Variants in PHACTR4 observed in about 807,000 individuals in gnomAD.
The protein encoded by PHACTR4 is protein phosphatase 1, regulatory subunit 124.
Under a neutral mutation model 72.7 loss-of-function variants are expected in PHACTR4, and 51 were observed. The ratio of observed to expected loss-of-function variants is 0.70; its 90% CI spans 0.56 to 0.89. The LOEUF is 0.89. Among genes scored for constraint, PHACTR4 ranks in the 40% least tolerant of loss-of-function variants. PHACTR4 has a pLI of 0.00. For synonymous variants in PHACTR4, 255 were observed against 302.5 expected, an observed-to-expected ratio of 0.84 and a Z score of 1.63; for missense variants, 731 against 861.8, an observed-to-expected ratio of 0.85 and a Z score of 1.90.
chr1:28,413,913 C>T (rs1397446030), intron 2 of PHACTR4, among the ~76,000 whole-genome samples: 3 of 152,136 alleles, frequency 2.0e-5, no homozygotes, highest in Non-Finnish European at 2.9e-5. Context: ...TGAACATTCT[C>T]ATATCAGTAT....
At position 28,466,787 on chromosome 1, in the gene PHACTR4, T is replaced by C; in HGVS notation, c.823+19T>C. The C allele has an allele frequency of 6.3e-7, 1 of 1,592,132 alleles. No homozygotes were observed. Among genetic ancestry groups the C allele is most frequent in the Non-Finnish European group, 8.6e-7 (1 of 1,167,138 alleles). ...GTCATTGGTAAGTAAGTCTTTAGGC[T>C]TCCAGTGTTTTGGGTTTGGTTTGAT... On this transcript the variant is annotated intron_variant, in intron 6 of 13. Transcript: ENST00000373839.
chr1:28,479,917 A>G (rs796737087), intron 8 of PHACTR4, among the ~76,000 whole-genome samples: 5 of 152,296 alleles, frequency 3.3e-5, no homozygotes, highest in African/African-American at 1.2e-4. Context: ...AAACAAAAAA[A>G]CCAACAACAA....
At chr1:28,371,144 G>C (rs1651214736) in intron 1 of PHACTR4, among the ~76,000 whole-genome samples, 1 of 152,166 alleles carries the variant, frequency 6.6e-6, no homozygotes, top group South Asian at 2.1e-4. Flanking sequence ...CAAGAGTCTA[G>C]CTTGGTTGCT....
rs181462299 is a variant in PHACTR4 at position 28,391,025 on chromosome 1, G to A, written c.-38-16385G>A. Among the ~76,000 whole-genome samples the A allele has an allele frequency of 3.0e-4, 46 of 151,132 alleles. No homozygotes were observed. In the East Asian group the frequency reaches 8.9e-3, roughly 29 times the overall value. On this transcript the variant is annotated intron_variant, in intron 1 of 13. Transcript: ENST00000373839. ...TGGGAAGATCTCACCTGAGCCCAGG[G>A]AGGTTGAGGCTGTAGTGAGCCGTGA... is the stretch of plus-strand genomic sequence containing the variant.
Position 28,469,416 on chromosome 1 carries a change from G to A in PHACTR4, c.823+2648G>A, listed in dbSNP as rs554629144. Reference sequence around the variant, plus strand: ...AAAACCACCAGCAATAGCTGAACGGGTGAAAGGGAATTATTACCCATCCCA... The same window carrying A: ...AAAACCACCAGCAATAGCTGAACGGATGAAAGGGAATTATTACCCATCCCA... On this transcript the variant is annotated intron_variant, in intron 6 of 13. Transcript: ENST00000373839. Among the ~76,000 whole-genome samples the A allele has an allele frequency of 1.8e-4, 28 of 152,274 alleles. No individual in the cohort carries two copies. In the South Asian group the frequency reaches 5.8e-3, roughly 32 times the overall value.
At chr1:28,480,411 A>G (rs1042953655) in intron 8 of PHACTR4, 40 bp from the exon 9 acceptor site, 18 of 1,609,562 alleles carry the variant, frequency 1.1e-5, no homozygotes, top group Non-Finnish European at 1.4e-5. Flanking sequence ...TTTGGCTTTA[A>G]GCCTCAAGTT....
intron 2 of PHACTR4, among the ~76,000 whole-genome samples, chr1:28,412,824 G>C (rs1012490493): frequency 3.9e-5 from 6 of 152,198 alleles, no homozygotes; most frequent in African/African-American, 1.2e-4. Flanking sequence ...GTAAAGTTAA[G>C]ATTTAATCCT....
intron 2 of PHACTR4, among the ~76,000 whole-genome samples, chr1:28,432,692 A>G (rs1355382837): frequency 5.9e-5 from 9 of 152,120 alleles, no homozygotes; most frequent in Admixed American, 5.9e-4. Flanking sequence ...AGTGCTGTCT[A>G]AATCTCAATG....
chr1:28,455,299 A>G (rs1216826272), intron 2 of PHACTR4, among the ~76,000 whole-genome samples: 1 of 140,514 alleles, frequency 7.1e-6, no homozygotes, highest in Admixed American at 7.1e-5. Context: ...CCCAAGTTCA[A>G]GATTCTCCTG....
At chr1:28,455,385 C>T (rs1004257170) in intron 2 of PHACTR4, among the ~76,000 whole-genome samples, 7 of 151,418 alleles carry the variant, frequency 4.6e-5, no homozygotes, top group African/African-American at 1.5e-4. Context: ...TTAGTAGAGA[C>T]GAGGTTTCAC....
intron 2 of PHACTR4, chr1:28,433,194 C>T (rs1351538621): frequency 2.9e-6 from 2 of 682,884 alleles, no homozygotes; most frequent in African/African-American, 3.9e-5. Context: ...TAGCTGTCTA[C>T]TTCTTACAAA....
intron 1 of PHACTR4, among the ~76,000 whole-genome samples, chr1:28,386,594 TG>T (rs1314947862): frequency 6.6e-6 from 1 of 152,190 alleles, no homozygotes; most frequent in African/African-American, 2.4e-5. Flanking sequence ...TTTATGAATC[TG>T]GGTGCTCCTA....
rs555424680 is a variant in PHACTR4 at position 28,488,644 on chromosome 1, T to TA, written c.1761-514dup. ...CCTCATCTCTATTTTCAAAAAATTG[T>TA]AAAAAAAAAAAATCTAAAGAGGGGC... is the stretch of plus-strand genomic sequence containing the variant. On this transcript the variant is annotated intron_variant, in intron 9 of 13. Transcript: ENST00000373839. Among the ~76,000 whole-genome samples the TA allele has an allele frequency of 3.4e-3, 477 of 140,648 alleles. 4 individuals are homozygous for TA. The highest frequency in any genetic ancestry group is 0.022 in the South Asian group (98 of 4,494). 92.3% of individuals were successfully genotyped at this position (140,648 alleles called of 152,430 possible).
intron 1 of PHACTR4, among the ~76,000 whole-genome samples, chr1:28,384,015 C>G (rs1652381340): frequency 6.6e-6 from 1 of 152,168 alleles, no homozygotes; most frequent in African/African-American, 2.4e-5. Flanking sequence ...CTAAAGCCTA[C>G]TTGATTGTGG....
intron 1 of PHACTR4, among the ~76,000 whole-genome samples, chr1:28,372,637 A>T (rs1651331178): frequency 6.6e-6 from 1 of 152,106 alleles, no homozygotes; most frequent in Admixed American, 6.6e-5. Flanking sequence ...AGATCACCTA[A>T]GGTCAGGTGT....
chr1:28,470,762 A>C (rs546162502), intron 6 of PHACTR4, among the ~76,000 whole-genome samples: 1 of 152,106 alleles, frequency 6.6e-6, no homozygotes, highest in East Asian at 1.9e-4. Context: ...GGTGGCTCAC[A>C]TCCATAATCC....
chr1:28,495,244 G>C (rs2124563869), intron 13 of PHACTR4, among the ~76,000 whole-genome samples: 1 of 152,222 alleles, frequency 6.6e-6, no homozygotes, highest in Admixed American at 6.5e-5. Flanking sequence ...ATAAGATAAA[G>C]TCTCTGTCCT....
intron 2 of PHACTR4, among the ~76,000 whole-genome samples, chr1:28,435,733 T>G (rs1656590082): frequency 1.3e-5 from 2 of 152,234 alleles, no homozygotes; most frequent in South Asian, 4.1e-4. Context: ...AGTTCCATGA[T>G]GATGATGATG....
intron 6 of PHACTR4, among the ~76,000 whole-genome samples, chr1:28,467,821 A>G (rs1285925501): frequency 6.6e-6 from 1 of 152,198 alleles, no homozygotes; most frequent in Non-Finnish European, 1.5e-5. Flanking sequence ...AATTTTTTGC[A>G]TTTACCCAAA....
Sources: gnomAD v4.1 joint callset for allele counts (sites outside exome capture counted in the v4.1 genomes callset) on GRCh38, gnomAD v4.1.1 for gene constraint, MANE v1.5 for transcripts, NCBI Gene and HGNC (gene_info 2026-07-23, HGNC 2026-07-21) for gene names.